The following FBXO38 variants were observed in gnomAD, a reference collection of about 807,000 sequenced individuals.
The protein encoded by FBXO38 is F-box only protein 38.
FBXO38 carries 53 observed loss-of-function variants against 131.9 expected under a neutral mutation model. That is an observed-to-expected ratio of 0.40 (90% CI 0.32 to 0.51). The LOEUF (loss-of-function observed/expected upper bound fraction) is 0.51. FBXO38 is among the 20% of genes least tolerant of loss of function. The pLI is 0.53. For synonymous variants in FBXO38, 452 were observed against 505.6 expected, an observed-to-expected ratio of 0.89 and a Z score of 1.42; for missense variants, 1,076 against 1,475.6, an observed-to-expected ratio of 0.73 and a Z score of 4.44.
Position 148,439,651 on chromosome 5 carries a change from A to G in FBXO38, c.3029A>G (p.Asp1010Gly), listed in dbSNP as rs1754558726. The change falls in exon 19 of 22, where the codon GAC (aspartate) becomes GGC (glycine). Residue 1010 changes from aspartate to glycine, a missense_variant. Asp to Gly is a moderately conservative substitution (Grantham distance 94). Transcript: ENST00000340253. ...IIYLRPMQQVDTLTLEQKLFS... is the reference protein window; with the variant it reads ...IIYLRPMQQVGTLTLEQKLFS... ...TCTTTATGATGTCTTCCACAGGTGG[A>G]CACTCTAACTTTGGAGCAGAAGCTA... The G allele has an allele frequency of 6.2e-7, 1 of 1,602,862 alleles. No individual in the cohort carries two copies. Among genetic ancestry groups the G allele is most frequent in the Non-Finnish European group, 8.5e-7 (1 of 1,179,382 alleles).
chr5:148,396,120 G>C (rs1391344119), intron 2 of FBXO38, among the ~76,000 whole-genome samples: 1 of 151,882 alleles, frequency 6.6e-6, no homozygotes, highest in Non-Finnish European at 1.5e-5. Flanking sequence ...GTTATTCTGT[G>C]ACACATTGTA....
Position 148,441,121 on chromosome 5 carries a change from T to C in FBXO38, c.3275-3T>C. ...AGTTAGCAATGTTACATTTGTCTTT[T>C]AGGTGTTGTGGATGGAGCTCCATAT... On this transcript the variant is annotated splice_polypyrimidine_tract_variant and splice_region_variant and intron_variant, in intron 20 of 21. Transcript: ENST00000340253. 6.2e-7 allele frequency: 1 copy of C among 1,611,062 alleles called. No individual in the cohort carries two copies. The highest frequency in any genetic ancestry group is 8.5e-7 in the Non-Finnish European group (1 of 1,177,252).
At chr5:148,398,658 C>T (rs1581232086) in intron 2 of FBXO38, among the ~76,000 whole-genome samples, 1 of 151,632 alleles carries the variant, frequency 6.6e-6, no homozygotes, top group East Asian at 1.9e-4. Flanking sequence ...CCTTTCTCAT[C>T]ACATCTTGAA....
chr5:148,422,182 A>T (rs569120847), intron 12 of FBXO38, among the ~76,000 whole-genome samples: 1 of 152,322 alleles, frequency 6.6e-6, no homozygotes, highest in South Asian at 2.1e-4. Context: ...CTTACTCAAA[A>T]CTTTTTAATA....
chr5:148,395,447 T>G (rs1000026466), intron 2 of FBXO38, among the ~76,000 whole-genome samples: 49 of 148,708 alleles, frequency 3.3e-4, no homozygotes, highest in Non-Finnish European at 6.9e-4. Flanking sequence ...AATTATATTT[T>G]TACCCAAACC....
intron 21 of FBXO38, among the ~76,000 whole-genome samples, chr5:148,441,699 A>G (rs1754694992): frequency 6.6e-6 from 1 of 152,208 alleles, no homozygotes; most frequent in Admixed American, 6.5e-5. Context: ...TTTTAAAAAT[A>G]CTTTATAAGG....
intron 11 of FBXO38, among the ~76,000 whole-genome samples, 162 bp downstream of exon 11, chr5:148,416,232 C>T (rs1753046239): frequency 6.6e-6 from 1 of 151,248 alleles, no homozygotes; most frequent in Admixed American, 6.6e-5. Flanking sequence ...TGTAATAATG[C>T]ATAGCCTCTC....
intron 12 of FBXO38, among the ~76,000 whole-genome samples, chr5:148,419,133 A>C (rs567806536): frequency 2.0e-5 from 3 of 152,368 alleles, no homozygotes; most frequent in African/African-American, 7.2e-5. Flanking sequence ...GCAAAGAATA[A>C]ATACATAATG....
At chr5:148,411,093 G>T (rs754779293) in intron 9 of FBXO38, among the ~76,000 whole-genome samples, 2 of 151,870 alleles carry the variant, frequency 1.3e-5, no homozygotes, top group Admixed American at 6.6e-5. Context: ...GTCATCCTTG[G>T]TTCCATTGTT....
intron 2 of FBXO38, among the ~76,000 whole-genome samples, chr5:148,396,485 A>G (rs1203705444): frequency 6.6e-6 from 1 of 152,214 alleles, no homozygotes; most frequent in Admixed American, 6.5e-5. Context: ...AAATAAAAGC[A>G]CATTTTTATC....
At chr5:148,398,687 T>C (rs754667016) in intron 2 of FBXO38, among the ~76,000 whole-genome samples, 3 of 152,048 alleles carry the variant, frequency 2.0e-5, no homozygotes, top group African/African-American at 2.4e-5. Flanking sequence ...TTTTTTTTTT[T>C]TTCTTCTTTT....
intron 2 of FBXO38, among the ~76,000 whole-genome samples, chr5:148,396,850 C>T (rs1053922877): frequency 2.6e-4 from 39 of 152,124 alleles, no homozygotes; most frequent in African/African-American, 8.4e-4. Context: ...AAGCAATCCT[C>T]CCATTTTGGC....
chr5:148,417,899 T>C (rs755066255), intron 12 of FBXO38, among the ~76,000 whole-genome samples: 6 of 152,192 alleles, frequency 3.9e-5, no homozygotes, highest in Non-Finnish European at 5.9e-5. Flanking sequence ...CCTTTTGTTG[T>C]TCCCCATTTG....
intron 13 of FBXO38, among the ~76,000 whole-genome samples, chr5:148,424,885 A>G (rs1753630597): frequency 6.6e-6 from 1 of 152,222 alleles, no homozygotes; most frequent in Admixed American, 6.5e-5. Flanking sequence ...ACGTTTATTG[A>G]TGGAGCTAAT....
chr5:148,411,006 C>T, intron 9 of FBXO38: 1 of 411,076 alleles, frequency 2.4e-6, no homozygotes, highest in Non-Finnish European at 4.3e-6. Flanking sequence ...AGAAAAAGAA[C>T]CTTATCTACA....
At chr5:148,399,263 A>G (rs1433660695) in intron 3 of FBXO38, 131 bp downstream of exon 3, 1 of 1,000,226 alleles carries the variant, frequency 1.0e-6, no homozygotes, top group African/African-American at 1.6e-5. Flanking sequence ...GATTTTGTCT[A>G]AATTATTTAT....
rs1376707839 is a variant in FBXO38 at position 148,406,272 on chromosome 5, T to C, written c.746T>C (p.Leu249Ser). ...MRNCAGPTNS[L>S]KYVPLVTGLA... ...TTTTTTCCAGGACCCACAAATTCCTTGAAATATGTCCCTTTAGTAACAGGC... is the reference window on the plus strand; with the variant it reads ...TTTTTTCCAGGACCCACAAATTCCTCGAAATATGTCCCTTTAGTAACAGGC... Residue 249 changes from leucine (L) to serine (S), a missense_variant, in exon 7 of 22, where the codon TTG (leucine) becomes TCG (serine). Physicochemically the swap from Leu to Ser is moderately radical, Grantham distance 145. Around this residue, in one of 8 missense-constraint regions of FBXO38, gnomAD observed 66 missense variants for 72.4 expected, o/e 0.91. Transcript: ENST00000340253. 2 of 1,579,712 alleles carry C rather than the reference T, an allele frequency of 1.3e-6. No homozygotes were observed.
intron 2 of FBXO38, among the ~76,000 whole-genome samples, chr5:148,395,830 C>A (rs891602552): frequency 2.4e-4 from 36 of 151,926 alleles, no homozygotes; most frequent in African/African-American, 7.7e-4. Flanking sequence ...TGGTACTTAT[C>A]ATTTCCCTTG....
chr5:148,429,727 C>T (rs1042674826), intron 15 of FBXO38, among the ~76,000 whole-genome samples: 7 of 151,806 alleles, frequency 4.6e-5, no homozygotes, highest in Non-Finnish European at 8.8e-5. Context: ...AAAATTTTAC[C>T]GTTTTTTGTT....
Sources: allele counts gnomAD v4.1 joint callset (sites outside exome capture counted in the v4.1 genomes callset), GRCh38; gene constraint gnomAD v4.1.1; regional missense constraint gnomAD v4.1.1; transcripts MANE v1.5; gene names NCBI Gene and HGNC (gene_info 2026-07-23, HGNC 2026-07-21).